The following FRMD1 variants were observed in gnomAD, a reference collection of about 807,000 sequenced individuals.
The protein encoded by FRMD1 is FERM domain containing 1.
A neutral mutation model predicts 54.9 loss-of-function variants in FRMD1; 51 were observed. The observed-to-expected ratio is 0.93, with a 90% CI of 0.74 to 1.17. FRMD1 has a LOEUF of 1.17. Ranked by LOEUF, FRMD1 falls within the 50% of genes most tolerant of loss-of-function variation. The pLI is 0.00. For synonymous variants in FRMD1, 324 were observed against 306.4 expected, an observed-to-expected ratio of 1.06 and a Z score of -0.60; for missense variants, 729 against 743.0, an observed-to-expected ratio of 0.98 and a Z score of 0.22.
At chr6:168,060,490 T>C (rs1799663058) in intron 9 of FRMD1, among the ~76,000 whole-genome samples, 1 of 152,086 alleles carries the variant, frequency 6.6e-6, no homozygotes, top group Admixed American at 6.5e-5. Context: ...CCACCTCTCC[T>C]GTCTCTGATC....
upstream of FRMD1, chr6:168,081,514 C>T (rs1264829771): frequency 2.0e-6 from 3 of 1,529,292 alleles, no homozygotes; most frequent in Non-Finnish European, 2.6e-6. Flanking sequence ...CCAACTCTCT[C>T]TTCTTCTGGA....
rs1254281553 is a variant in FRMD1 at position 168,056,428 on chromosome 6, G to C, written c.*669C>G. 1 of 152,510 alleles carries C rather than the reference G, an allele frequency of 6.6e-6. No homozygotes were observed. The highest frequency in any genetic ancestry group is 1.5e-5 in the Non-Finnish European group (1 of 68,274). 9.4% of individuals were successfully genotyped at this position (152,510 alleles called of 1,614,324 possible). Reference sequence around the variant, plus strand: ...GGGAGCAGAGTCGGCTTCAGCTCCGGGGCAGTGGGGTCTTTGGAAGCCCTG... The same window carrying C: ...GGGAGCAGAGTCGGCTTCAGCTCCGCGGCAGTGGGGTCTTTGGAAGCCCTG... On this transcript the variant is annotated 3_prime_UTR_variant, in exon 11 of 11. Transcript: ENST00000283309.
upstream of FRMD1, chr6:168,081,557 T>C (rs1465956415): frequency 6.7e-7 from 1 of 1,487,970 alleles, no homozygotes; most frequent in Non-Finnish European, 8.9e-7. Context: ...ATGAGATAGA[T>C]AGAGGCCTGC....
chr6:168,068,236 C>T (rs1044312471), intron 2 of FRMD1, among the ~76,000 whole-genome samples: 38 of 152,136 alleles, frequency 2.5e-4, no homozygotes, highest in Non-Finnish European at 1.0e-4. Context: ...CTATAAGAGA[C>T]GCTTCTTTCT....
chr6:168,057,754 T>C (rs1048997316), intron 10 of FRMD1: 1 of 189,094 alleles, frequency 5.3e-6, no homozygotes, highest in African/African-American at 2.4e-5. Context: ...CTGTCCAAGG[T>C]CCCGTCCAGG....
At chr6:168,079,962 T>G (rs1041389219), upstream of FRMD1, among the ~76,000 whole-genome samples, 5 of 152,126 alleles carry the variant, frequency 3.3e-5, no homozygotes, top group African/African-American at 1.2e-4. Context: ...CACCCAGACC[T>G]TTGGGCGCTG....
chr6:168,067,574 G>A (rs1408181347), intron 2 of FRMD1, 128 bp from the exon 3 acceptor site: 3 of 639,726 alleles, frequency 4.7e-6, no homozygotes, highest in Admixed American at 3.0e-5. Flanking sequence ...TGCAGCTGAC[G>A]CTGCATATGG....
chr6:168,087,383 A>T (rs1800939339), intron 1 of FRMD1, among the ~76,000 whole-genome samples: 1 of 152,176 alleles, frequency 6.6e-6, no homozygotes, highest in Non-Finnish European at 1.5e-5. Flanking sequence ...TCACCTTTTT[A>T]TGTGAGAAAT....
At chr6:168,079,528 T>G (rs1800768210), upstream of FRMD1, among the ~76,000 whole-genome samples, 1 of 152,066 alleles carries the variant, frequency 6.6e-6, no homozygotes, top group Non-Finnish European at 1.5e-5. Context: ...CCAGGGCTGC[T>G]GGGGAAGATG....
In FRMD1 at chr6:168,053,541, C is replaced by A. The variant is rs192237785; in HGVS notation, c.*3556G>T. On this transcript the variant is annotated 3_prime_UTR_variant, in exon 11 of 11. Coordinates refer to ENST00000283309, the MANE Select transcript of FRMD1 (RefSeq NM_024919.6). The stretch of plus-strand genomic sequence containing the variant: ...TGTGTGTCCAGTTCAGCCTCCCCTA[C>A]GCGGGCCCCACACACCCACAGGGCC... 1 of 152,350 alleles carries A rather than the reference C, an allele frequency of 6.6e-6. No individual in the cohort carries two copies. The highest frequency in any genetic ancestry group is 2.4e-5 in the African/African-American group (1 of 41,466). The allele number at this position is 152,350 out of a possible 1,614,324, so 9.4% of individuals were successfully genotyped here. A position where few individuals can be genotyped will look rare whatever the true frequency, so the allele number is the denominator to read the frequency against.
chr6:168,064,810 C>T, intron 5 of FRMD1, 61 bp downstream of exon 5: 1 of 1,504,892 alleles, frequency 6.6e-7, no homozygotes, highest in Non-Finnish European at 8.9e-7. Context: ...TGGATGGCAC[C>T]CGGTGGAGGT....
At chr6:168,086,293 C>T (rs964774930), upstream of FRMD1, among the ~76,000 whole-genome samples, 11 of 150,676 alleles carry the variant, frequency 7.3e-5, no homozygotes, top group South Asian at 6.3e-4. Flanking sequence ...ATGGACACTG[C>T]CCACGTTCCA....
Position 168,067,947 on chromosome 6 carries a change from A to AG in FRMD1, c.305-502dup, listed in dbSNP as rs1023312238. On this transcript the variant is annotated intron_variant, in intron 2 of 10. Transcript: ENST00000283309. ...CAACATAATGAGACCTTGTCACCACAGGAAAAAAAAAAAAATTAGCTGGGT... is the reference window on the plus strand; with the variant it reads ...CAACATAATGAGACCTTGTCACCACAGGGAAAAAAAAAAAAATTAGCTGGGT... Among the ~76,000 whole-genome samples the AG allele has an allele frequency of 4.9e-4, 23 of 46,592 alleles. No individual in the cohort carries two copies. The South Asian group carries it at 8.8e-3, about 18-fold the overall frequency. 30.6% of individuals were successfully genotyped at this position (46,592 alleles called of 152,430 possible). A position where few individuals can be genotyped will look rare whatever the true frequency, so the allele number is the denominator to read the frequency against.
intron 6 of FRMD1, among the ~76,000 whole-genome samples, chr6:168,063,318 C>A (rs1363355806): frequency 6.6e-6 from 1 of 151,004 alleles, no homozygotes; most frequent in Non-Finnish European, 1.5e-5. Context: ...GCCCCGGGGT[C>A]CTGGTCCCAC....
At chr6:168,058,206 C>T (rs9355159) in intron 10 of FRMD1, among the ~76,000 whole-genome samples, 1 of 149,286 alleles carries the variant, frequency 6.7e-6, no homozygotes, top group African/African-American at 2.5e-5. Flanking sequence ...TCCAGCCTCC[C>T]GTGCCCAGCC....
chr6:168,064,788 C>T (rs1029514930), intron 5 of FRMD1, 83 bp downstream of exon 5: 7 of 1,491,310 alleles, frequency 4.7e-6, no homozygotes, highest in Admixed American at 2.1e-5. Context: ...GGCCCTCAGT[C>T]CCCTGCTCCC....
At chr6:168,084,469 A>G (rs1404479176), upstream of FRMD1, among the ~76,000 whole-genome samples, 1 of 152,248 alleles carries the variant, frequency 6.6e-6, no homozygotes. Flanking sequence ...AGAGGAGAAC[A>G]AATCCCACAA....
At chr6:168,074,626 G>A (rs931549200) in intron 2 of FRMD1, among the ~76,000 whole-genome samples, 4 of 150,894 alleles carry the variant, frequency 2.7e-5, no homozygotes, top group South Asian at 2.1e-4. Context: ...GTGCATGCAT[G>A]TGTACATGTG....
At chr6:168,075,530 C>T (rs544193956) in intron 1 of FRMD1, among the ~76,000 whole-genome samples, 195 bp from the exon 2 acceptor site, 32 of 151,580 alleles carry the variant, frequency 2.1e-4, no homozygotes, top group African/African-American at 7.5e-4. Flanking sequence ...CTGTGAGTGC[C>T]GGGAAGTGAG....
Sources: allele counts gnomAD v4.1 joint callset (sites outside exome capture counted in the v4.1 genomes callset), GRCh38; gene constraint gnomAD v4.1.1; transcripts MANE v1.5; gene names NCBI Gene and HGNC (gene_info 2026-07-23, HGNC 2026-07-21).